Variants in CTNNA3 observed in about 807,000 individuals in gnomAD.
CTNNA3 encodes catenin alpha 3.
CTNNA3 carries 76 observed loss-of-function variants against 95.7 expected under a neutral mutation model. The ratio of observed to expected loss-of-function variants is 0.79; its 90% confidence interval spans 0.66 to 0.96. The LOEUF is 0.96. CTNNA3 is among the 40% of genes least tolerant of loss of function. The pLI is 0.00. For missense variants in CTNNA3, 1,191 were observed against 1,089.8 expected (o/e 1.09, Z -1.31); for synonymous variants, 431 against 374.4 (o/e 1.15, Z -1.74).
chr10:67,028,503 A>T (rs1177512339), intron 7 of CTNNA3, among the ~76,000 whole-genome samples: 1 of 152,130 alleles, frequency 6.6e-6, no homozygotes, highest in Non-Finnish European at 1.5e-5. Flanking sequence ...GCAAACTAGG[A>T]AGTAAAGACT....
intron 7 of CTNNA3, among the ~76,000 whole-genome samples, chr10:66,887,143 G>C (rs1402482258): frequency 6.6e-6 from 1 of 152,120 alleles, no homozygotes; most frequent in Non-Finnish European, 1.5e-5. Context: ...CATTCTATAT[G>C]CTCTACTGGT....
chr10:66,766,115 C>T (rs1223228871), intron 9 of CTNNA3, 149 bp downstream of exon 9: 2 of 667,176 alleles, frequency 3.0e-6, no homozygotes, highest in Admixed American at 2.5e-5. Flanking sequence ...TACAATCGGA[C>T]ATATACACCT....
intron 10 of CTNNA3, among the ~76,000 whole-genome samples, chr10:66,597,446 G>A (rs1164050005): frequency 7.0e-6 from 1 of 142,900 alleles, no homozygotes; most frequent in Admixed American, 7.1e-5. Context: ...GTAGGCTGAG[G>A]CAGGAGGATC....
At chr10:66,924,981 C>T (rs1232818088) in intron 7 of CTNNA3, among the ~76,000 whole-genome samples, 1 of 152,072 alleles carries the variant, frequency 6.6e-6, no homozygotes, top group African/African-American at 2.4e-5. Flanking sequence ...TCTTTAGGAA[C>T]CTCAGACCAA....
At chr10:66,933,127 G>A (rs1847501848) in intron 7 of CTNNA3, among the ~76,000 whole-genome samples, 1 of 152,160 alleles carries the variant, frequency 6.6e-6, no homozygotes, top group Non-Finnish European at 1.5e-5. Flanking sequence ...GATACTGAGT[G>A]GGGTTTGTTG....
At chr10:66,188,511 A>G (rs912733348) in intron 13 of CTNNA3, among the ~76,000 whole-genome samples, 2 of 149,174 alleles carry the variant, frequency 1.3e-5, no homozygotes, top group African/African-American at 2.5e-5. Flanking sequence ...TTCACTTAGC[A>G]TAATGTGCTC....
intron 7 of CTNNA3, among the ~76,000 whole-genome samples, chr10:66,921,540 T>A (rs183544214): frequency 6.6e-6 from 1 of 152,184 alleles, no homozygotes; most frequent in Non-Finnish European, 1.5e-5. Flanking sequence ...TCTAGACTCA[T>A]TGGCCTCCTT....
chr10:65,980,569 T>C (rs913843102), intron 16 of CTNNA3, among the ~76,000 whole-genome samples: 9 of 148,650 alleles, frequency 6.1e-5, no homozygotes, highest in African/African-American at 2.0e-4. Flanking sequence ...ATATCCCTAA[T>C]GAAAATAGAT....
chr10:66,781,227 A>ATTG (rs1246832919), intron 7 of CTNNA3, among the ~76,000 whole-genome samples: 1 of 152,026 alleles, frequency 6.6e-6, no homozygotes, highest in Non-Finnish European at 1.5e-5. Context: ...TGTTGTTGTT[A>ATTG]TTGTTATGTT....
chr10:67,434,295 G>A lies in CTNNA3; in HGVS notation c.579+87547C>T, dbSNP rs78016367. The stretch of plus-strand genomic sequence containing the variant: ...TCCTCATTTGAAGTTGGCAATAATA[G>A]TATCTATCTTGTAAGGTTGTCATTA... On this transcript the variant is annotated intron_variant, in intron 5 of 17. Coordinates refer to ENST00000433211, the MANE Select transcript of CTNNA3 (RefSeq NM_013266.4). 8.2e-3 allele frequency among the ~76,000 whole-genome samples: 1,245 copies of A among 152,012 alleles called. 13 individuals carry two copies. Among genetic ancestry groups the A allele is most frequent in the African/African-American group, 0.029 (1,183 of 41,482 alleles).
At chr10:67,641,122 T>C (rs1177458768) in intron 2 of CTNNA3, among the ~76,000 whole-genome samples, 1 of 152,100 alleles carries the variant, frequency 6.6e-6, no homozygotes, top group Non-Finnish European at 1.5e-5. Context: ...AAAGGGCTAA[T>C]ATCCAGAATC....
chr10:66,217,043 T>C (rs1219955486), intron 13 of CTNNA3, among the ~76,000 whole-genome samples: 1 of 152,208 alleles, frequency 6.6e-6, no homozygotes, highest in Non-Finnish European at 1.5e-5. Context: ...TATAGTTTTA[T>C]TTCAAGAATC....
chr10:67,411,241 T>C (rs541710363), intron 5 of CTNNA3, among the ~76,000 whole-genome samples: 1 of 152,304 alleles, frequency 6.6e-6, no homozygotes, highest in African/African-American at 2.4e-5. Flanking sequence ...TGAGGTCATG[T>C]GTATGCTAAT....
At chr10:67,617,189 G>T (rs2133401552) in intron 2 of CTNNA3, among the ~76,000 whole-genome samples, 1 of 152,240 alleles carries the variant, frequency 6.6e-6, no homozygotes, top group East Asian at 1.9e-4. Flanking sequence ...AAAAGTTGTT[G>T]TACAGATTAT....
chr10:66,220,652 G>GATT (rs1406727805), intron 13 of CTNNA3, among the ~76,000 whole-genome samples: 1 of 152,194 alleles, frequency 6.6e-6, no homozygotes, highest in Non-Finnish European at 1.5e-5. Context: ...AAATGTGGGG[G>GATT]ATTTTATTGC....
intron 10 of CTNNA3, among the ~76,000 whole-genome samples, chr10:66,577,469 T>C (rs764691814): frequency 2.0e-5 from 3 of 152,126 alleles, no homozygotes; most frequent in Non-Finnish European, 4.4e-5. Context: ...GTTCTACTTT[T>C]AAGTTTTTAA....
chr10:66,006,639 T>C (rs2078891064), intron 15 of CTNNA3, among the ~76,000 whole-genome samples: 1 of 152,210 alleles, frequency 6.6e-6, no homozygotes, highest in Admixed American at 6.5e-5. Flanking sequence ...TTACAGAGCC[T>C]GGGCATTTTT....
intron 11 of CTNNA3, among the ~76,000 whole-genome samples, chr10:66,456,804 A>C (rs184006849): frequency 6.6e-6 from 1 of 152,318 alleles, no homozygotes; most frequent in Admixed American, 6.5e-5. Flanking sequence ...GAACTTTTTG[A>C]AAAAATCAGC....
chr10:67,059,607 T>G (rs960048585), intron 7 of CTNNA3, among the ~76,000 whole-genome samples: 2 of 152,226 alleles, frequency 1.3e-5, no homozygotes, highest in Non-Finnish European at 2.9e-5. Context: ...TTTCCTTTTT[T>G]TAAAGTTGTC....
Sources: gnomAD v4.1 joint callset for allele counts (sites outside exome capture counted in the v4.1 genomes callset) on GRCh38, gnomAD v4.1.1 for gene constraint, MANE v1.5 for transcripts, NCBI Gene and HGNC (gene_info 2026-07-23, HGNC 2026-07-21) for gene names.